The following PDE5A variants were observed in gnomAD, a reference collection of about 807,000 sequenced individuals.
The protein encoded by PDE5A is cGMP-specific 3',5'-cyclic phosphodiesterase.
A neutral mutation model predicts 110.2 loss-of-function variants in PDE5A; 67 were observed. That is an observed-to-expected ratio of 0.61 (90% CI 0.50 to 0.75). PDE5A has a LOEUF of 0.75. Ranked by LOEUF, PDE5A falls within the 30% of genes least tolerant of loss-of-function variation. The pLI is 0.00. For synonymous variants in PDE5A, 328 were observed against 351.2 expected, an observed-to-expected ratio of 0.93 and a Z score of 0.74; for missense variants, 862 against 1,045.1, an observed-to-expected ratio of 0.82 and a Z score of 2.42.
chr4:119,582,084 T>C (rs1211169939), intron 3 of PDE5A, among the ~76,000 whole-genome samples: 1 of 152,356 alleles, frequency 6.6e-6, no homozygotes, highest in Non-Finnish European at 1.5e-5. Flanking sequence ...CTTCCTTTCA[T>C]GATAGATTCC....
intron 20 of PDE5A, among the ~76,000 whole-genome samples, chr4:119,500,578 C>T (rs1189810266): frequency 1.3e-5 from 2 of 152,030 alleles, no homozygotes; most frequent in East Asian, 1.9e-4. Context: ...AAACTTAAAA[C>T]ATTTCCGTTT....
At chr4:119,605,434 G>A (rs1431418111) in intron 2 of PDE5A, among the ~76,000 whole-genome samples, 4 of 152,010 alleles carry the variant, frequency 2.6e-5, no homozygotes, top group African/African-American at 9.7e-5. Flanking sequence ...ATCATCTGAG[G>A]TCAGGAGTTC....
At chr4:119,579,434 C>T (rs1437193173) in intron 3 of PDE5A, among the ~76,000 whole-genome samples, 2 of 152,134 alleles carry the variant, frequency 1.3e-5, no homozygotes, top group African/African-American at 4.8e-5. Flanking sequence ...GACTTGGAAC[C>T]AACCCAAATG....
intron 3 of PDE5A, among the ~76,000 whole-genome samples, chr4:119,586,746 AAATGT>A (rs1000060342): frequency 5.3e-5 from 8 of 152,238 alleles, no homozygotes; most frequent in Non-Finnish European, 1.0e-4. Flanking sequence ...ATTAAATTAA[AAATGT>A]AATGCATTCC....
At chr4:119,578,812 G>A (rs1728480358) in intron 3 of PDE5A, among the ~76,000 whole-genome samples, 2 of 152,190 alleles carry the variant, frequency 1.3e-5, no homozygotes, top group South Asian at 4.1e-4. Context: ...CAAAAGCAAT[G>A]ACAACAAAAG....
chr4:119,592,571 A>C (rs1729018283), intron 3 of PDE5A, among the ~76,000 whole-genome samples: 1 of 151,588 alleles, frequency 6.6e-6, no homozygotes, highest in Admixed American at 6.6e-5. Context: ...GAAATGTTTC[A>C]AGTTTTAGAT....
rs1725317346 is a variant in PDE5A at position 119,501,269 on chromosome 4, C to A, written c.2407-16G>T. 6.5e-6 allele frequency: 9 copies of A among 1,390,472 alleles called. No individual in the cohort carries two copies. The highest frequency in any genetic ancestry group is 9.2e-6 in the Non-Finnish European group (9 of 977,646). 86.1% of individuals were successfully genotyped at this position (1,390,472 alleles called of 1,614,324 possible). ...TCATTAGATCCTGAAAATACAAATA[C>A]AGACCAGACACACAGATGTGCATTT... On this transcript the variant is annotated splice_polypyrimidine_tract_variant and intron_variant, in intron 19 of 20. Coordinates refer to ENST00000354960, the MANE Select transcript of PDE5A (RefSeq NM_001083.4).
chr4:119,552,817 A>G (rs960234689), intron 8 of PDE5A, among the ~76,000 whole-genome samples, 180 bp from the exon 9 acceptor site: 4 of 152,138 alleles, frequency 2.6e-5, no homozygotes, highest in Admixed American at 1.3e-4. Flanking sequence ...TGCAATATAA[A>G]GCAATGTCTA....
chr4:119,593,034 C>A (rs1729034398), intron 3 of PDE5A, among the ~76,000 whole-genome samples: 1 of 152,174 alleles, frequency 6.6e-6, no homozygotes, highest in African/African-American at 2.4e-5. Context: ...AAATTTAAAT[C>A]ATCTCTCAGT....
chr4:119,622,596 G>A (rs968253775), intron 1 of PDE5A, among the ~76,000 whole-genome samples: 9 of 151,970 alleles, frequency 5.9e-5, no homozygotes, highest in South Asian at 2.1e-4. Context: ...TTTAAAGGCC[G>A]GGTGCGGTGG....
chr4:119,521,082 T>A (rs1726112639), intron 12 of PDE5A, 22 bp from the exon 13 acceptor site: 2 of 1,606,008 alleles, frequency 1.2e-6, no homozygotes, highest in African/African-American at 2.7e-5. Flanking sequence ...AAAACATAAG[T>A]AGTAACAATA....
chr4:119,501,217 T>C lies in PDE5A; in HGVS notation c.2443A>G (p.Ser815Gly). The change falls in exon 20 of 21, where the codon AGT (serine) becomes GGT (glycine). Residue 815 changes from serine (S) to glycine (G), a missense_variant. By Grantham distance (56) the Ser-to-Gly change is moderately conservative. Transcript: ENST00000354960. The part of the protein sequence containing the change: ...MNREKKNKIP[S>G]MQVGFIDAIC... ...GCATCTATGAACCCAACTTGCATAC[T>C]TGGGATTTTGTTTTTCTTCTCCCTG... The C allele has an allele frequency of 2.5e-6, 4 of 1,612,476 alleles. No individual in the cohort carries two copies. The highest frequency in any genetic ancestry group is 1.1e-5 in the South Asian group (1 of 91,042).
chr4:119,596,962 T>C (rs1729174688), intron 2 of PDE5A, among the ~76,000 whole-genome samples: 1 of 152,152 alleles, frequency 6.6e-6, no homozygotes, highest in African/African-American at 2.4e-5. Context: ...TCTCACAACC[T>C]GATTCTATTG....
At chr4:119,570,338 T>C (rs1728096293) in intron 3 of PDE5A, among the ~76,000 whole-genome samples, 1 of 152,188 alleles carries the variant, frequency 6.6e-6, no homozygotes, top group Non-Finnish European at 1.5e-5. Flanking sequence ...TATCTCAGAC[T>C]CCATGTGAGA....
intron 3 of PDE5A, among the ~76,000 whole-genome samples, chr4:119,588,837 T>C (rs190129968): frequency 4.7e-4 from 71 of 152,340 alleles, no homozygotes; most frequent in Non-Finnish European, 8.8e-4. Flanking sequence ...GCTAAAATGC[T>C]AAGATATTAG....
rs1729575412 is a variant in PDE5A, at chr4:119,607,289, ACC to A, written c.159_160del (p.Met53IlefsTer7). On this transcript the variant is annotated frameshift_variant, in exon 2 of 21. Transcript: ENST00000354960. LOFTEE classifies it high-confidence loss of function. ...AACTCTCTCAGCAAACCATGCATTGACCATTTCTCTGCAGAACAGAACGTGCA... is the reference window on the plus strand; with the variant it reads ...AACTCTCTCAGCAAACCATGCATTGAATTTCTCTGCAGAACAGAACGTGCA... 6.2e-7 allele frequency: 1 copy of A among 1,607,674 alleles called. No individual in the cohort carries two copies. Among genetic ancestry groups the A allele is most frequent in the African/African-American group, 1.3e-5 (1 of 74,900 alleles).
chr4:119,506,067 A>G, intron 16 of PDE5A, 135 bp from the exon 17 acceptor site: 1 of 438,826 alleles, frequency 2.3e-6, no homozygotes. Flanking sequence ...AGCCCACTAT[A>G]AAATCATCAT....
At chr4:119,604,224 T>C (rs1236922830) in intron 2 of PDE5A, among the ~76,000 whole-genome samples, 2 of 152,300 alleles carry the variant, frequency 1.3e-5, no homozygotes, top group African/African-American at 4.8e-5. Context: ...TTTTAAACAA[T>C]AGTACAAGAA....
At chr4:119,547,106 G>GTT (rs35182804) in intron 9 of PDE5A, among the ~76,000 whole-genome samples, 4,837 of 134,156 alleles carry the variant, frequency 0.036, 146 homozygotes, top group Middle Eastern at 0.081. Context: ...TTGGGCAATA[G>GTT]TTTTTTTTTT....
Sources: gnomAD v4.1 joint callset for allele counts (sites outside exome capture counted in the v4.1 genomes callset) on GRCh38, gnomAD v4.1.1 for gene constraint, MANE v1.5 for transcripts, NCBI Gene and HGNC (gene_info 2026-07-23, HGNC 2026-07-21) for gene names.